CSNK2A1: variants seen among roughly 807,000 people sequenced by gnomAD.
The protein encoded by CSNK2A1 is casein kinase 2 alpha 1, also known as casein kinase II subunit alpha.
Under a neutral mutation model 62.9 loss-of-function variants are expected in CSNK2A1, and 10 were observed. The observed-to-expected ratio is 0.16, with a 90% CI of 0.10 to 0.27. CSNK2A1 has a LOEUF of 0.27. CSNK2A1 is among the 10% of genes least tolerant of loss of function. CSNK2A1 has a pLI of 1.00. For synonymous variants in CSNK2A1, 124 were observed against 167.8 expected (o/e 0.74, Z 2.02); for missense variants, 160 against 492.0 (o/e 0.33, Z 6.38).
intron 2 of CSNK2A1, among the ~76,000 whole-genome samples, chr20:523,081 C>T (rs1460271970): frequency 6.6e-6 from 1 of 152,064 alleles, no homozygotes; most frequent in Non-Finnish European, 1.5e-5. Flanking sequence ...TTCTGTAAAC[C>T]TAAAATTTTC....
intron 2 of CSNK2A1, among the ~76,000 whole-genome samples, chr20:523,715 C>A (rs1350494004): frequency 6.6e-6 from 1 of 151,972 alleles, no homozygotes; most frequent in African/African-American, 2.4e-5. Context: ...CACGGTGAAA[C>A]CCCGTCTCTA....
At chr20:522,372 T>G (rs969470861) in intron 2 of CSNK2A1, among the ~76,000 whole-genome samples, 4 of 152,260 alleles carry the variant, frequency 2.6e-5, no homozygotes, top group Non-Finnish European at 5.9e-5. Flanking sequence ...TGATATAATG[T>G]GATGAGAAGG....
chr20:497,579 T>C, intron 7 of CSNK2A1, 142 bp downstream of exon 7: 2 of 632,250 alleles, frequency 3.2e-6, no homozygotes, highest in South Asian at 3.6e-5. Flanking sequence ...TATGATACTA[T>C]TAACTTATTA....
chr20:539,173 A>G (rs1479961194), intron 1 of CSNK2A1: 1 of 152,256 alleles, frequency 6.6e-6, no homozygotes, highest in African/African-American at 2.4e-5. Flanking sequence ...TATCACAAAC[A>G]AAACAACACA....
chr20:526,870 A>T (rs1230533377), intron 2 of CSNK2A1: 1 of 151,590 alleles, frequency 6.6e-6, no homozygotes. Flanking sequence ...GAATCGCTTG[A>T]ACCCGGGAGG....
chr20:492,883 A>G (rs1043319403), intron 8 of CSNK2A1, among the ~76,000 whole-genome samples: 3 of 152,214 alleles, frequency 2.0e-5, no homozygotes, highest in African/African-American at 7.2e-5. Flanking sequence ...AAATGAATAA[A>G]TATTTGCTGG....
chr20:484,496 C>T (rs965557155), intron 13 of CSNK2A1, among the ~76,000 whole-genome samples: 2 of 152,200 alleles, frequency 1.3e-5, no homozygotes, highest in Non-Finnish European at 1.5e-5. Context: ...AATAGCCTCA[C>T]GTGGCTAGTC....
intron 11 of CSNK2A1, chr20:487,800 A>C: frequency 3.4e-6 from 2 of 593,528 alleles, no homozygotes; most frequent in South Asian, 2.2e-5. Flanking sequence ...AGTCCTCTCA[A>C]TTTTAAGAAA....
rs1206552932 is a variant in CSNK2A1 at position 483,737 on chromosome 20, G to A, written c.*224C>T. 6.1e-6 allele frequency: 2 copies of A among 326,158 alleles called. No homozygotes were observed. The highest frequency in any genetic ancestry group is 1.1e-5 in the Non-Finnish European group (2 of 183,622). The allele number at this position is 326,158 out of a possible 1,614,324, so 20.2% of individuals were successfully genotyped here. On this transcript the variant is annotated 3_prime_UTR_variant, in exon 14 of 14. Transcript: ENST00000217244. ...ATTCCACCTGCAGGTAATTTTTCAGGGAATCCCCTGAGTTATGAAAAGTTC... is the reference window on the plus strand; with the variant it reads ...ATTCCACCTGCAGGTAATTTTTCAGAGAATCCCCTGAGTTATGAAAAGTTC...
intron 2 of CSNK2A1, among the ~76,000 whole-genome samples, chr20:509,512 A>G (rs1027659446): frequency 3.3e-5 from 5 of 152,344 alleles, no homozygotes; most frequent in African/African-American, 1.2e-4. Flanking sequence ...CCAGATTGTG[A>G]TAACGTGAGA....
At chr20:490,284 C>G (rs1197289582) in intron 9 of CSNK2A1, among the ~76,000 whole-genome samples, 1 of 144,838 alleles carries the variant, frequency 6.9e-6, no homozygotes, top group Non-Finnish European at 1.5e-5. Context: ...GCCTCAGGTT[C>G]CCAAAGTGCT....
chr20:541,931 G>A (rs2019458834), intron 1 of CSNK2A1, among the ~76,000 whole-genome samples: 1 of 152,186 alleles, frequency 6.6e-6, no homozygotes, highest in Admixed American at 6.5e-5. Flanking sequence ...TAAGACTGCA[G>A]GTGAACTTTT....
chr20:496,328 G>A (rs1042171168), intron 7 of CSNK2A1: 3 of 155,782 alleles, frequency 1.9e-5, no homozygotes, highest in African/African-American at 7.2e-5. Flanking sequence ...AACAACAGCA[G>A]ACTTGAATAG....
chr20:513,061 T>C (rs187224989), intron 2 of CSNK2A1, among the ~76,000 whole-genome samples: 3 of 152,298 alleles, frequency 2.0e-5, no homozygotes, highest in African/African-American at 7.2e-5. Flanking sequence ...GCCAAAATAG[T>C]AGAAACAGCA....
chr20:502,583 T>C (rs2122552563), intron 4 of CSNK2A1: 1 of 152,310 alleles, frequency 6.6e-6, no homozygotes, highest in East Asian at 1.9e-4. Flanking sequence ...AGGAAATTCA[T>C]CTATACTTAC....
rs758173542 is a variant in CSNK2A1, at chr20:505,115, C to T, written c.213+3G>A. 1 of 1,608,122 alleles carries T rather than the reference C, an allele frequency of 6.2e-7. No individual in the cohort carries two copies. The highest frequency in any genetic ancestry group is 8.5e-7 in the Non-Finnish European group (1 of 1,176,672). On this transcript the variant is annotated splice_donor_region_variant and intron_variant, in intron 4 of 13. Coordinates refer to ENST00000217244, the MANE Select transcript of CSNK2A1 (RefSeq NM_177559.3). ...TACCTCTGAAATTATCTCTTGTACT[C>T]ACCTTGAGAATTTTAACAACAACTT...
At position 478,765 on chromosome 20, in the gene CSNK2A1, C is replaced by CAAAA. The variant is rs750062577; in HGVS notation, c.*5192_*5195dup. 44 of 175,820 alleles carry CAAAA rather than the reference C, an allele frequency of 2.5e-4. 1 individual carries two copies. Among genetic ancestry groups the CAAAA allele is most frequent in the African/African-American group, 6.9e-4 (22 of 31,818 alleles). The allele number at this position is 175,820 out of a possible 1,614,324, so 10.9% of individuals were successfully genotyped here. On this transcript the variant is annotated 3_prime_UTR_variant, in exon 14 of 14. Transcript: ENST00000217244. Reference sequence around the variant, plus strand: ...CAACACGGCAAAACTTCATCTCTACCAAAAAAAAAAAAAAAAAAATTAGCC... The same window carrying CAAAA: ...CAACACGGCAAAACTTCATCTCTACCAAAAAAAAAAAAAAAAAAAAAAATTAGCC...
intron 9 of CSNK2A1, among the ~76,000 whole-genome samples, chr20:490,336 T>TTTTTTTTTC (rs2018195443): frequency 1.7e-5 from 1 of 58,584 alleles, no homozygotes; most frequent in South Asian, 1.0e-3. Context: ...TAGTTTTTTC[T>TTTTTTTTTC]TTTTTTTTTT....
At chr20:497,899 A>G in intron 6 of CSNK2A1, 119 bp from the exon 7 acceptor site, 2 of 793,234 alleles carry the variant, frequency 2.5e-6, no homozygotes, top group Non-Finnish European at 4.2e-6. Context: ...AGATCTGTCC[A>G]TTCACTGCCC....
Sources: allele counts gnomAD v4.1 joint callset (sites outside exome capture counted in the v4.1 genomes callset), GRCh38; gene constraint gnomAD v4.1.1; transcripts MANE v1.5; gene names NCBI Gene and HGNC (gene_info 2026-07-23, HGNC 2026-07-21).